The following ZNF44 variants were observed in gnomAD, a reference collection of about 807,000 sequenced individuals.
ZNF44 encodes the protein zinc finger protein 44.
A neutral mutation model predicts 11.7 loss-of-function variants in ZNF44; 9 were observed. The observed-to-expected ratio is 0.77, with a 90% CI of 0.46 to 1.35. ZNF44 has a LOEUF of 1.35. Among genes scored for constraint, ZNF44 ranks in the 40% most tolerant of loss-of-function variants. The pLI is 0.00. For synonymous variants in ZNF44, 224 were observed against 242.7 expected, an observed-to-expected ratio of 0.92 and a Z score of 0.72; for missense variants, 696 against 743.1, an observed-to-expected ratio of 0.94 and a Z score of 0.74.
downstream of ZNF44, among the ~76,000 whole-genome samples, chr19:12,268,571 T>C (rs962982793): frequency 1.3e-5 from 2 of 152,024 alleles, no homozygotes; most frequent in African/African-American, 4.8e-5. Context: ...AATCTCTTTA[T>C]TATTATTTAA....
Position 12,275,981 on chromosome 19 carries a change from T to A in ZNF44, c.105A>T (p.Glu35Asp), listed in dbSNP as rs1044674405. Reference protein sequence around the residue: ...QKNLYRDVMRETIRNLNCIGM... With the variant: ...QKNLYRDVMRDTIRNLNCIGM... ...CTATACAGTTCAGGTTCCTAATGGT[T>A]TCTCGCATCACATCTCTGTAGAGAT... The change falls in exon 2 of 4, where the codon GAA becomes GAT. Residue 35 changes from glutamate (E) to aspartate (D), a missense_variant. Glu to Asp is a conservative substitution (Grantham distance 45). Transcript: ENST00000355684. 6.2e-7 allele frequency: 1 copy of A among 1,607,558 alleles called. No individual in the cohort carries two copies. Among genetic ancestry groups the A allele is most frequent in the Non-Finnish European group, 8.5e-7 (1 of 1,175,554 alleles).
At chr19:12,292,551 T>A (rs561402429) in intron 1 of ZNF44, among the ~76,000 whole-genome samples, 26 of 152,166 alleles carry the variant, frequency 1.7e-4, no homozygotes, top group African/African-American at 6.3e-4. Context: ...CACTCAACCG[T>A]CAGGTCAGGT....
At chr19:12,230,975 G>GTTTCTGGTTGGAGAT (rs1208865194) in intron 2 of ZNF44, among the ~76,000 whole-genome samples, 1 of 152,144 alleles carries the variant, frequency 6.6e-6, no homozygotes, top group Non-Finnish European at 1.5e-5. Flanking sequence ...GAGTTGGAAT[G>GTTTCTGGTTGGAGAT]TTTCTGGTTG....
At chr19:12,230,938 G>C (rs1413597815) in intron 2 of ZNF44, among the ~76,000 whole-genome samples, 1 of 152,082 alleles carries the variant, frequency 6.6e-6, no homozygotes, top group Non-Finnish European at 1.5e-5. Context: ...GGATTATCTT[G>C]GGGCTAGCAT....
intron 2 of ZNF44, 75 bp downstream of exon 2, chr19:12,275,881 A>G (rs1486744832): frequency 6.8e-7 from 1 of 1,475,208 alleles, no homozygotes; most frequent in African/African-American, 1.4e-5. Flanking sequence ...CCATATTTCA[A>G]ATCACTGAAC....
intron 5 of ZNF44, among the ~76,000 whole-genome samples, chr19:12,257,434 G>A (rs150203946): frequency 0.056 from 8,512 of 151,972 alleles, 804 homozygotes; most frequent in African/African-American, 0.2. Context: ...TAGATCACCT[G>A]AGGTCAGGAG....
rs762303231 is a variant in ZNF44, at chr19:12,272,803, T to C, written c.1452A>G (p.Ala484=). ...GACAAAAGTATTTAAAAGAACTAAA[T>C]GCTTTCCCACACTCCTTACATTCAT... The part of the protein sequence containing the change: ...EPYECKECGK[A]FSSFKYFCRH... The change falls in exon 4 of 4, where the codon GCA becomes GCG. Residue 484 remains alanine (A), a synonymous_variant. Coordinates refer to ENST00000355684, the MANE Select transcript of ZNF44 (RefSeq NM_016264.4). 5 of 1,613,646 alleles carry C rather than the reference T, an allele frequency of 3.1e-6. No individual in the cohort carries two copies. The highest frequency in any genetic ancestry group is 1.7e-5 in the Admixed American group (1 of 59,962).
downstream of ZNF44, among the ~76,000 whole-genome samples, chr19:12,268,181 C>CACACACACACA (rs1555739618): frequency 4.3e-5 from 6 of 140,534 alleles, no homozygotes; most frequent in Admixed American, 2.1e-4. Flanking sequence ...CACACACACA[C>CACACACACACA]AAGCTCCTTC....
chr19:12,250,494 G>A, intron 5 of ZNF44: 1 of 857,710 alleles, frequency 1.2e-6, no homozygotes, highest in Non-Finnish European at 1.6e-6. Flanking sequence ...TGAATTTGTT[G>A]TCAGAACTCT....
At chr19:12,269,362 A>C (rs898595636), downstream of ZNF44, among the ~76,000 whole-genome samples, 2 of 152,058 alleles carry the variant, frequency 1.3e-5, no homozygotes, top group African/African-American at 4.8e-5. Flanking sequence ...GTCTCTACTA[A>C]AAATACAAAA....
exon 8 of ZNF44, chr19:12,248,199 G>A: frequency 7.6e-7 from 1 of 1,308,352 alleles, no homozygotes; most frequent in South Asian, 1.2e-5. Flanking sequence ...ACATTTGTAG[G>A]GTTTCTCTCC....
At chr19:12,293,221 A>C in intron 1 of ZNF44, 1 of 1,535,294 alleles carries the variant, frequency 6.5e-7, no homozygotes, top group Non-Finnish European at 8.7e-7. Flanking sequence ...CTCCCACCCC[A>C]GTGCATCCAC....
At chr19:12,292,855 G>GTTT (rs71166664) in intron 1 of ZNF44, among the ~76,000 whole-genome samples, 11,870 of 76,162 alleles carry the variant, frequency 0.16, 903 homozygotes, top group East Asian at 0.2. Flanking sequence ...CAGAGGTTAG[G>GTTT]TTTTTTTTTT....
In ZNF44 at chr19:12,274,972, C is replaced by A; in HGVS notation, c.191+1G>T. On this transcript the variant is annotated splice_donor_variant, in intron 3 of 3. Coordinates refer to ENST00000355684, the MANE Select transcript of ZNF44 (RefSeq NM_016264.4). LOFTEE classifies it high-confidence loss of function. ...ACCTGTCTCTTATAAGTACAAATTA[C>A]CTTGGATTTCTCCTGAGATTTTGGT... 1 of 1,585,282 alleles carries A rather than the reference C, an allele frequency of 6.3e-7. No homozygotes were observed. Among genetic ancestry groups the A allele is most frequent in the Non-Finnish European group, 8.6e-7 (1 of 1,164,810 alleles).
At chr19:12,277,030 G>C (rs1290263750) in intron 1 of ZNF44, among the ~76,000 whole-genome samples, 1 of 152,210 alleles carries the variant, frequency 6.6e-6, no homozygotes, top group East Asian at 1.9e-4. Flanking sequence ...ATTTCTTATA[G>C]ATTACCCCAG....
Position 12,294,701 on chromosome 19 carries a change from G to A in ZNF44, c.-7C>T. ...GGCCCCGCACACTCACCATTTCCCG[G>A]CTGTGCGGTGTCCCGGGTCCTCCCA... On this transcript the variant is annotated 5_prime_UTR_variant, in exon 1 of 4. Coordinates refer to ENST00000355684, the MANE Select transcript of ZNF44 (RefSeq NM_016264.4). 1 of 1,559,698 alleles carries A rather than the reference G, an allele frequency of 6.4e-7. No individual in the cohort carries two copies. The highest frequency in any genetic ancestry group is 1.2e-5 in the South Asian group (1 of 84,472).
At chr19:12,225,329 T>C (rs1915869584), downstream of ZNF44, 1 of 152,266 alleles carries the variant, frequency 6.6e-6, no homozygotes, top group Admixed American at 6.5e-5. Context: ...CATAATTAGG[T>C]ATATTATTAG....
intron 5 of ZNF44, among the ~76,000 whole-genome samples, chr19:12,257,755 C>T (rs1372272356): frequency 4.8e-5 from 7 of 145,270 alleles, no homozygotes; most frequent in African/African-American, 1.0e-4. Flanking sequence ...GAGCCGAGAT[C>T]GCGCCACTGC....
chr19:12,294,477 C>T (rs1056583699), intron 1 of ZNF44, among the ~76,000 whole-genome samples: 2 of 152,244 alleles, frequency 1.3e-5, no homozygotes, highest in Non-Finnish European at 2.9e-5. Flanking sequence ...GGGCCGCAGT[C>T]GCAGCTCAGG....
Sources: gnomAD v4.1 joint callset for allele counts (sites outside exome capture counted in the v4.1 genomes callset) on GRCh38, gnomAD v4.1.1 for gene constraint, MANE v1.5 for transcripts, NCBI Gene and HGNC (gene_info 2026-07-23, HGNC 2026-07-21) for gene names.